Variants in TACR3 observed in about 807,000 individuals in gnomAD.
The protein encoded by TACR3 is tachykinin receptor 3.
Under a neutral mutation model 35.0 loss-of-function variants are expected in TACR3, and 34 were observed. The ratio of observed to expected loss-of-function variants is 0.97; its 90% confidence interval spans 0.74 to 1.30. The LOEUF (loss-of-function observed/expected upper bound fraction) is 1.30, where lower values mean the gene tolerates loss of function less well. TACR3 is among the 50% of genes most tolerant of loss of function. The pLI, the probability that TACR3 is intolerant of heterozygous loss-of-function variation, is 0.00. For synonymous variants in TACR3, 233 were observed against 221.1 expected (o/e 1.05, Z -0.48); for missense variants, 558 against 591.7 (o/e 0.94, Z 0.59).
At chr4:103,669,217 CT>C (rs1195688908) in intron 1 of TACR3, among the ~76,000 whole-genome samples, 4 of 152,064 alleles carry the variant, frequency 2.6e-5, no homozygotes, top group Admixed American at 6.6e-5. Context: ...ACAGCAATTA[CT>C]TTTGCACCAA....
chr4:103,602,416 C>T (rs577431442), intron 3 of TACR3, among the ~76,000 whole-genome samples: 21 of 152,144 alleles, frequency 1.4e-4, no homozygotes, highest in Admixed American at 9.8e-4. Context: ...AGCTGTGTTC[C>T]GTTGCTGGTG....
At chr4:103,682,530 C>A (rs1263430945) in intron 1 of TACR3, among the ~76,000 whole-genome samples, 1 of 152,034 alleles carries the variant, frequency 6.6e-6, no homozygotes, top group Non-Finnish European at 1.5e-5. Flanking sequence ...GAGAAACCAC[C>A]CCCATGATTC....
chr4:103,638,212 A>G (rs1427212082), intron 3 of TACR3, among the ~76,000 whole-genome samples: 4 of 151,700 alleles, frequency 2.6e-5, no homozygotes, highest in African/African-American at 4.9e-5. Context: ...ACAGTAACCA[A>G]AACAGCATGG....
intron 1 of TACR3, among the ~76,000 whole-genome samples, chr4:103,678,214 T>C (rs1003747429): frequency 6.6e-6 from 1 of 151,734 alleles, no homozygotes; most frequent in Non-Finnish European, 1.5e-5. Context: ...TAGGAATTCA[T>C]TCCTTTCAGT....
At chr4:103,592,669 A>C (rs1448837536) in intron 3 of TACR3, among the ~76,000 whole-genome samples, 1 of 152,200 alleles carries the variant, frequency 6.6e-6, no homozygotes, top group East Asian at 1.9e-4. Context: ...ACAATTTTGA[A>C]GCTTACCTGC....
rs886058976 is a variant in TACR3, at chr4:103,658,249, C to T, written c.703G>A (p.Val235Met). The T allele has an allele frequency of 6.2e-7, 1 of 1,613,868 alleles. No individual in the cohort carries two copies. Among genetic ancestry groups the T allele is most frequent in the Non-Finnish European group, 8.5e-7 (1 of 1,179,896 alleles). ...TGTTTGGGACCTTCTGGCCATTGCACAAAGCAGAGAGTACGGCCTGGCATG... is the reference window on the plus strand; with the variant it reads ...TGTTTGGGACCTTCTGGCCATTGCATAAAGCAGAGAGTACGGCCTGGCATG... ...KVMPGRTLCF[V>M]QWPEGPKQHF... is the part of the protein sequence containing the mutation. Residue 235 changes from valine to methionine, a missense_variant, in exon 2 of 5, where the codon GTG becomes ATG. Transcript: ENST00000304883.
chr4:103,599,038 C>T lies in TACR3; in HGVS notation c.889-7355G>A, dbSNP rs536991337. On this transcript the variant is annotated intron_variant, in intron 3 of 4. Transcript: ENST00000304883. ...GGATGGCATTGAATCTGTAAATTAC[C>T]TTGGGCAGTATGGCCATTTTCACAA... Among the ~76,000 whole-genome samples the T allele has an allele frequency of 1.1e-4, 17 of 152,232 alleles. No homozygotes were observed. The East Asian group carries it at 3.3e-3, about 29-fold the overall frequency.
intron 1 of TACR3, among the ~76,000 whole-genome samples, chr4:103,690,709 G>T (rs1241278781): frequency 2.0e-5 from 3 of 152,058 alleles, no homozygotes; most frequent in East Asian, 3.9e-4. Context: ...TATTCTCCAG[G>T]ATAGGCTTGT....
intron 3 of TACR3, among the ~76,000 whole-genome samples, chr4:103,604,513 T>C (rs1039986497): frequency 2.0e-5 from 3 of 152,038 alleles, no homozygotes; most frequent in Middle Eastern, 3.2e-3. Context: ...CCAAAAGCAA[T>C]GGCAACAAAA....
At chr4:103,595,724 AT>A (rs1723991909) in intron 3 of TACR3, among the ~76,000 whole-genome samples, 1 of 151,302 alleles carries the variant, frequency 6.6e-6, no homozygotes, top group Admixed American at 6.6e-5. Context: ...TTTTTTTTTA[AT>A]TTTGGCAATA....
intron 3 of TACR3, among the ~76,000 whole-genome samples, chr4:103,634,887 G>A (rs912813538): frequency 6.6e-6 from 1 of 151,940 alleles, no homozygotes; most frequent in African/African-American, 2.4e-5. Flanking sequence ...ATTTGCTTAT[G>A]CATCTCTCAA....
chr4:103,679,900 T>C (rs559758722), intron 1 of TACR3, among the ~76,000 whole-genome samples: 175 of 152,010 alleles, frequency 1.2e-3, no homozygotes, highest in African/African-American at 4.1e-3. Flanking sequence ...AGACTAACAA[T>C]ACAAGCTCTA....
At chr4:103,678,273 T>C (rs1726215655) in intron 1 of TACR3, among the ~76,000 whole-genome samples, 1 of 152,156 alleles carries the variant, frequency 6.6e-6, no homozygotes, top group Admixed American at 6.6e-5. Flanking sequence ...ATCAGTTAAA[T>C]AGTAGCTTGT....
At chr4:103,690,124 G>A (rs1478829334) in intron 1 of TACR3, among the ~76,000 whole-genome samples, 1 of 152,134 alleles carries the variant, frequency 6.6e-6, no homozygotes, top group Admixed American at 6.5e-5. Context: ...GAAATAAATT[G>A]CAAGACAAAC....
chr4:103,696,959 G>T (rs1304135893), intron 1 of TACR3, among the ~76,000 whole-genome samples: 2 of 152,066 alleles, frequency 1.3e-5, no homozygotes, highest in Non-Finnish European at 2.9e-5. Flanking sequence ...TGTCACCCAG[G>T]CTGGTATGCA....
At chr4:103,674,076 A>G (rs1726113569) in intron 1 of TACR3, among the ~76,000 whole-genome samples, 1 of 152,314 alleles carries the variant, frequency 6.6e-6, no homozygotes, top group East Asian at 1.9e-4. Flanking sequence ...GGAGCAATAG[A>G]CTTATTGCAG....
chr4:103,701,440 G>C (rs1210171949), intron 1 of TACR3, among the ~76,000 whole-genome samples: 2 of 151,966 alleles, frequency 1.3e-5, no homozygotes, highest in African/African-American at 2.4e-5. Context: ...CTCATGGGTA[G>C]GAAGAATCAA....
chr4:103,701,995 G>A (rs1578264065), intron 1 of TACR3, among the ~76,000 whole-genome samples: 2 of 152,120 alleles, frequency 1.3e-5, no homozygotes, highest in South Asian at 2.1e-4. Flanking sequence ...CACGGGCAAG[G>A]ACTTCATGTC....
At chr4:103,698,824 C>G (rs890747315) in intron 1 of TACR3, among the ~76,000 whole-genome samples, 2 of 151,828 alleles carry the variant, frequency 1.3e-5, no homozygotes, top group Admixed American at 1.3e-4. Context: ...AAGAAAATGA[C>G]AAAGAAATTG....
Sources: allele counts gnomAD v4.1 joint callset (sites outside exome capture counted in the v4.1 genomes callset), GRCh38; gene constraint gnomAD v4.1.1; transcripts MANE v1.5; gene names NCBI Gene and HGNC (gene_info 2026-07-23, HGNC 2026-07-21).